Variants in TRMT9B observed in about 807,000 individuals in gnomAD.
TRMT9B encodes probable tRNA methyltransferase 9B.
TRMT9B carries 16 observed loss-of-function variants against 11.5 expected under a neutral mutation model. The ratio of observed to expected loss-of-function variants is 1.39; its 90% CI spans 0.94 to 2.11. The LOEUF (loss-of-function observed/expected upper bound fraction) is 2.11, where lower values mean the gene tolerates loss of function less well. TRMT9B is among the 30% of genes most tolerant of loss of function. The pLI is 0.00. For missense variants in TRMT9B, 941 were observed against 553.8 expected (o/e 1.70, Z -7.02); for synonymous variants, 274 against 192.4 (o/e 1.42, Z -3.51).
chr8:12,986,934 G>A (rs1806413678), intron 1 of TRMT9B, among the ~76,000 whole-genome samples: 1 of 152,058 alleles, frequency 6.6e-6, no homozygotes, highest in African/African-American at 2.4e-5. Flanking sequence ...CTACACTACT[G>A]CCAGAGGCAA....
chr8:13,008,300 A>T (rs1810886459), intron 3 of TRMT9B, among the ~76,000 whole-genome samples: 1 of 152,212 alleles, frequency 6.6e-6, no homozygotes. Flanking sequence ...ACGGCATTTC[A>T]GCCCCAGGCT....
rs908721207 is a variant in TRMT9B at position 13,025,781 on chromosome 8, C to G, written c.*3737C>G. ...GTTTGGTTTCGTTCTCTTTTCTCATCATAGATCTCCGTGCAGAATAGTGCT... is the reference window on the plus strand; with the variant it reads ...GTTTGGTTTCGTTCTCTTTTCTCATGATAGATCTCCGTGCAGAATAGTGCT... On this transcript the variant is annotated 3_prime_UTR_variant, in exon 5 of 5. Transcript: ENST00000524591. 6.0e-6 allele frequency: 1 copy of G among 166,950 alleles called. No individual in the cohort carries two copies. The highest frequency in any genetic ancestry group is 1.5e-5 in the Non-Finnish European group (1 of 68,138). 10.3% of individuals were successfully genotyped at this position (166,950 alleles called of 1,614,324 possible). A position where few individuals can be genotyped will look rare whatever the true frequency, so the allele number is the denominator to read the frequency against.
intron 1 of TRMT9B, among the ~76,000 whole-genome samples, chr8:12,986,861 G>A (rs897299214): frequency 6.6e-6 from 1 of 152,052 alleles, no homozygotes; most frequent in African/African-American, 2.4e-5. Flanking sequence ...ATCATTCTTT[G>A]CTAACATATT....
rs559089644 is a variant in TRMT9B, at chr8:13,022,178, T to C, written c.*134T>C. On this transcript the variant is annotated 3_prime_UTR_variant, in exon 5 of 5. Coordinates refer to ENST00000524591, the MANE Select transcript of TRMT9B (RefSeq NM_020844.3). Reference sequence around the variant, plus strand: ...TTTGGTCTGCAGAGACTATTAATTATTTGGTTGTTTTGTTTTCATTTTTGA... The same window carrying C: ...TTTGGTCTGCAGAGACTATTAATTACTTGGTTGTTTTGTTTTCATTTTTGA... 3.0e-5 allele frequency: 17 copies of C among 568,876 alleles called. 1 individual carries two copies. The South Asian group carries it at 4.1e-4, about 14-fold the overall frequency. The allele number at this position is 568,876 out of a possible 1,614,324, so 35.2% of individuals were successfully genotyped here. A position where few individuals can be genotyped will look rare whatever the true frequency, so the allele number is the denominator to read the frequency against.
intron 3 of TRMT9B, among the ~76,000 whole-genome samples, chr8:13,008,082 G>C (rs537498033): frequency 6.6e-6 from 1 of 152,128 alleles, no homozygotes; most frequent in African/African-American, 2.4e-5. Context: ...GTAAGCTTCA[G>C]GTCACAACAT....
Position 12,991,050 on chromosome 8 carries a change from T to C in TRMT9B, c.-2+19T>C. On this transcript the variant is annotated intron_variant, in intron 2 of 4. Transcript: ENST00000524591. ...GACTCAGGTTAGTAGCTTTCAGCGCTTCTGCAACTCACATACCATGAGGTG... is the reference window on the plus strand; with the variant it reads ...GACTCAGGTTAGTAGCTTTCAGCGCCTCTGCAACTCACATACCATGAGGTG... 3.4e-6 allele frequency: 4 copies of C among 1,177,246 alleles called. No individual in the cohort carries two copies. Among genetic ancestry groups the C allele is most frequent in the Non-Finnish European group, 4.3e-6 (4 of 924,252 alleles). 72.9% of individuals were successfully genotyped at this position (1,177,246 alleles called of 1,614,324 possible). A position where few individuals can be genotyped will look rare whatever the true frequency, so the allele number is the denominator to read the frequency against.
rs990459245 is a variant in TRMT9B, at chr8:13,012,501, T to C, written c.155-183T>C. ...AAGGCAAGAGAATTGCTTGAACCCG[T>C]GAGGCAGAGGTTGCAGTGAACCGAG... On this transcript the variant is annotated intron_variant, in intron 3 of 4. Coordinates refer to ENST00000524591, the MANE Select transcript of TRMT9B (RefSeq NM_020844.3). 14 of 732,250 alleles carry C rather than the reference T, an allele frequency of 1.9e-5. No individual in the cohort carries two copies. In the Admixed American group the frequency reaches 4.6e-4, roughly 24 times the overall value. The allele number at this position is 732,250 out of a possible 1,614,324, so 45.4% of individuals were successfully genotyped here.
intron 2 of TRMT9B, among the ~76,000 whole-genome samples, chr8:12,994,200 G>T (rs1807917933): frequency 6.6e-6 from 1 of 152,204 alleles, no homozygotes; most frequent in Non-Finnish European, 1.5e-5. Context: ...GTCTGCGACT[G>T]CAAATAGTGG....
rs1488723523 is a variant in TRMT9B at position 13,022,444 on chromosome 8, G to A, written c.*400G>A. ...TTATAAAGTGAGGGGATAATTTCTG[G>A]TTCTCAGGTTATAACTGAGAGCAGT... is the stretch of plus-strand genomic sequence containing the variant. On this transcript the variant is annotated 3_prime_UTR_variant, in exon 5 of 5. Transcript: ENST00000524591. The A allele has an allele frequency of 5.8e-6, 1 of 173,852 alleles. No homozygotes were observed. The highest frequency in any genetic ancestry group is 1.4e-5 in the Non-Finnish European group (1 of 73,130). 10.8% of individuals were successfully genotyped at this position (173,852 alleles called of 1,614,324 possible). A position where few individuals can be genotyped will look rare whatever the true frequency, so the allele number is the denominator to read the frequency against.
At chr8:12,990,432 A>G (rs1163444904) in intron 1 of TRMT9B, among the ~76,000 whole-genome samples, 1 of 152,218 alleles carries the variant, frequency 6.6e-6, no homozygotes, top group Non-Finnish European at 1.5e-5. Flanking sequence ...CAAAGTGACA[A>G]GAAAGTAGCT....
chr8:12,973,804 C>T (rs1803997990), intron 1 of TRMT9B, among the ~76,000 whole-genome samples: 2 of 152,150 alleles, frequency 1.3e-5, no homozygotes, highest in South Asian at 4.1e-4. Context: ...TGAATGAGAA[C>T]AGCCTTTAGT....
chr8:12,992,123 C>G (rs183887081), intron 2 of TRMT9B, among the ~76,000 whole-genome samples: 1 of 152,144 alleles, frequency 6.6e-6, no homozygotes, highest in African/African-American at 2.4e-5. Flanking sequence ...AGCTAAGAAA[C>G]AGCTCCTTGA....
At position 13,024,329 on chromosome 8, in the gene TRMT9B, C is replaced by T; in HGVS notation, c.*2285C>T. 6.0e-6 allele frequency: 1 copy of T among 166,924 alleles called. No homozygotes were observed. 10.3% of individuals were successfully genotyped at this position (166,924 alleles called of 1,614,324 possible). A position where few individuals can be genotyped will look rare whatever the true frequency, so the allele number is the denominator to read the frequency against. The stretch of plus-strand genomic sequence containing the variant: ...CAGTGCTGGGATTACAGGCGTGAGC[C>T]ACCGCGCCCGGCCTGTTCCTTTTAT... On this transcript the variant is annotated 3_prime_UTR_variant, in exon 5 of 5. Coordinates refer to ENST00000524591, the MANE Select transcript of TRMT9B (RefSeq NM_020844.3).
chr8:13,018,150 C>A (rs1813116335), intron 4 of TRMT9B, among the ~76,000 whole-genome samples: 1 of 149,530 alleles, frequency 6.7e-6, no homozygotes, highest in Admixed American at 6.7e-5. Flanking sequence ...GCCTGCAATC[C>A]CAGCACTTTG....
intron 1 of TRMT9B, among the ~76,000 whole-genome samples, chr8:12,969,308 G>C (rs1215718278): frequency 6.6e-6 from 1 of 152,130 alleles, no homozygotes; most frequent in Non-Finnish European, 1.5e-5. Context: ...AGCTACCTTT[G>C]GGCTCACAGA....
intron 4 of TRMT9B, among the ~76,000 whole-genome samples, chr8:13,018,126 G>C (rs974398161): frequency 6.7e-6 from 1 of 148,294 alleles, no homozygotes; most frequent in Non-Finnish European, 1.5e-5. Context: ...ACTTGGCCAG[G>C]CGTGGTGGTT....
rs760729767 is a variant in TRMT9B at position 13,021,658 on chromosome 8, C to T, written c.979C>T (p.Pro327Ser). Residue 327 changes from proline to serine, a missense_variant, in exon 5 of 5, where the codon CCA (proline) becomes TCA (serine). Transcript: ENST00000524591. The stretch of plus-strand genomic sequence containing the variant: ...AAAACACTTGGAGTGGCTGAGAGCA[C>T]CAGGCACTCTGAAACATTTAAATGG... ...SGKHLEWLRA[P>S]GTLKHLNGDH... is the part of the protein sequence containing the mutation. The T allele has an allele frequency of 2.5e-6, 4 of 1,613,546 alleles. No individual in the cohort carries two copies. The highest frequency in any genetic ancestry group is 3.4e-6 in the Non-Finnish European group (4 of 1,179,784).
At chr8:13,019,706 A>C (rs776911781) in intron 4 of TRMT9B, among the ~76,000 whole-genome samples, 2 of 152,186 alleles carry the variant, frequency 1.3e-5, no homozygotes, top group Non-Finnish European at 2.9e-5. Context: ...TCAGGACTCT[A>C]CTTCTAGAAA....
At chr8:12,976,783 A>T (rs1355849372) in intron 1 of TRMT9B, among the ~76,000 whole-genome samples, 2 of 152,174 alleles carry the variant, frequency 1.3e-5, no homozygotes, top group Non-Finnish European at 2.9e-5. Context: ...CCTGAAAGGG[A>T]AAGCGGAAAG....
Sources: allele counts gnomAD v4.1 joint callset (sites outside exome capture counted in the v4.1 genomes callset), GRCh38; gene constraint gnomAD v4.1.1; transcripts MANE v1.5; gene names NCBI Gene and HGNC (gene_info 2026-07-23, HGNC 2026-07-21).